Variants in CADM2 observed in about 807,000 individuals in gnomAD.
CADM2 encodes immunoglobulin superfamily member 4D.
In CADM2, 12 loss-of-function variants were observed where a neutral mutation model predicts 49.8. That is an observed-to-expected ratio of 0.24 (90% CI 0.15 to 0.39). The LOEUF (loss-of-function observed/expected upper bound fraction) is 0.39. CADM2 is among the 10% of genes least tolerant of loss of function. The probability of loss-of-function intolerance (pLI) is 1.00; values close to 1 mark genes in which losing one functional copy is unlikely to be tolerated. For synonymous variants in CADM2, 214 were observed against 175.4 expected (o/e 1.22, Z -1.74); for missense variants, 378 against 492.3 (o/e 0.77, Z 2.20).
chr3:85,859,554 T>A (rs2075446074), intron 3 of CADM2, among the ~76,000 whole-genome samples: 1 of 152,262 alleles, frequency 6.6e-6, no homozygotes, highest in Admixed American at 6.5e-5. Context: ...TTCTAAGTGA[T>A]GTAATCATTT....
At chr3:85,920,174 C>T (rs187208741) in intron 6 of CADM2, among the ~76,000 whole-genome samples, 170 of 151,850 alleles carry the variant, frequency 1.1e-3, no homozygotes, top group African/African-American at 3.9e-3. Context: ...GATAGGAAGA[C>T]GAATATTCCA....
intron 1 of CADM2, among the ~76,000 whole-genome samples, chr3:85,602,165 C>T (rs974193579): frequency 1.9e-4 from 29 of 151,760 alleles, no homozygotes; most frequent in Admixed American, 1.7e-3. Context: ...TAAGAGTGTA[C>T]GGTTGAAGCT....
chr3:85,130,218 G>A (rs2039178572), intron 1 of CADM2, among the ~76,000 whole-genome samples: 1 of 152,150 alleles, frequency 6.6e-6, no homozygotes, highest in Admixed American at 6.6e-5. Flanking sequence ...GTTCAGCATA[G>A]TTTGTTGAAT....
intron 8 of CADM2, among the ~76,000 whole-genome samples, chr3:86,016,284 C>T (rs1014945424): frequency 2.0e-5 from 3 of 152,036 alleles, no homozygotes; most frequent in African/African-American, 7.2e-5. Context: ...ATGCAAACAT[C>T]TACCTATATC....
At chr3:85,995,014 T>TTAAAAAA (rs1464055979) in intron 8 of CADM2, among the ~76,000 whole-genome samples, 1 of 83,004 alleles carries the variant, frequency 1.2e-5, no homozygotes, top group Non-Finnish European at 2.2e-5. Flanking sequence ...TTCGATTTGT[T>TTAAAAAA]AAAAAAAAAA....
In CADM2 at chr3:85,183,447, C is replaced by T. The variant is rs145612044; in HGVS notation, c.61+223779C>T. Reference sequence around the variant, plus strand: ...AAGGAATTCACAAAGAAAAAAAACACGCAATATGTTCCATTTCAATGTATT... The same window carrying T: ...AAGGAATTCACAAAGAAAAAAAACATGCAATATGTTCCATTTCAATGTATT... On this transcript the variant is annotated intron_variant, in intron 1 of 9. Coordinates refer to ENST00000383699, the MANE Select transcript of CADM2 (RefSeq NM_001167675.2). 2.0e-3 allele frequency among the ~76,000 whole-genome samples: 311 copies of T among 152,046 alleles called. 1 individual carries two copies. The highest frequency in any genetic ancestry group is 7.0e-3 in the African/African-American group (291 of 41,504).
At position 85,176,021 on chromosome 3, in the gene CADM2, C is replaced by T. The variant is rs376044627; in HGVS notation, c.61+216353C>T. Among the ~76,000 whole-genome samples the T allele has an allele frequency of 2.5e-4, 37 of 149,064 alleles. No homozygotes were observed. The East Asian group carries it at 4.6e-3, about 18-fold the overall frequency. On this transcript the variant is annotated intron_variant, in intron 1 of 9. Coordinates refer to ENST00000383699, the MANE Select transcript of CADM2 (RefSeq NM_001167675.2). ...TCGGCTCACTGCAAGCTCCGCCTCC[C>T]GGGTTCACGCCATTCTCCTGCCTCA...
Position 85,992,692 on chromosome 3 carries a change from CTTAAT to C in CADM2, c.970+31050_970+31054del, listed in dbSNP as rs1259872778. 2.6e-5 allele frequency: 4 copies of C among 152,160 alleles called. No individual in the cohort carries two copies. The East Asian group carries it at 7.7e-4, about 29-fold the overall frequency. The allele number at this position is 152,160 out of a possible 1,614,324, so 9.4% of individuals were successfully genotyped here. A position where few individuals can be genotyped will look rare whatever the true frequency, so the allele number is the denominator to read the frequency against. ...ATGTCCATAAAAACAATGTACGTAC[CTTAAT>C]TTAAAGTTGTTTTATTACTAAAAAA... On this transcript the variant is annotated intron_variant, in intron 8 of 9. Transcript: ENST00000383699.
At chr3:85,205,791 G>A (rs2041617369) in intron 1 of CADM2, among the ~76,000 whole-genome samples, 1 of 151,978 alleles carries the variant, frequency 6.6e-6, no homozygotes, top group East Asian at 1.9e-4. Flanking sequence ...ATTTAATTTG[G>A]AGGTCAAATT....
At chr3:85,149,897 A>G (rs898948835) in intron 1 of CADM2, among the ~76,000 whole-genome samples, 10 of 152,198 alleles carry the variant, frequency 6.6e-5, no homozygotes, top group East Asian at 1.9e-4. Flanking sequence ...TAGAATCACA[A>G]TTCTCTCAAA....
intron 8 of CADM2, among the ~76,000 whole-genome samples, chr3:85,974,709 T>G (rs1726560216): frequency 6.6e-6 from 1 of 151,690 alleles, no homozygotes; most frequent in African/African-American, 2.4e-5. Context: ...GTACTCAGAT[T>G]ATTTACATTG....
intron 1 of CADM2, among the ~76,000 whole-genome samples, chr3:84,968,125 A>G (rs1041334907): frequency 6.6e-6 from 1 of 151,916 alleles, no homozygotes; most frequent in Non-Finnish European, 1.5e-5. Flanking sequence ...TGTGTAAATC[A>G]TCTATTCAAG....
chr3:85,706,297 T>C (rs2066949350), intron 1 of CADM2, among the ~76,000 whole-genome samples: 1 of 152,228 alleles, frequency 6.6e-6, no homozygotes, highest in African/African-American at 2.4e-5. Flanking sequence ...CCTCTCTTTA[T>C]TTCTATCCAA....
Position 85,103,330 on chromosome 3 carries a change from A to C in CADM2, c.61+143662A>C, listed in dbSNP as rs1575869466. On this transcript the variant is annotated intron_variant, in intron 1 of 9. Transcript: ENST00000383699. The stretch of plus-strand genomic sequence containing the variant: ...ACGTATAAATAAAAAAATTTAGTGT[A>C]ACCATAAATAAAGTTTTATTTATCC... Among the ~76,000 whole-genome samples, 4 of 152,266 alleles carry C rather than the reference A, an allele frequency of 2.6e-5. No individual in the cohort carries two copies. The South Asian group carries it at 8.3e-4, about 32-fold the overall frequency.
intron 1 of CADM2, among the ~76,000 whole-genome samples, chr3:85,430,846 A>C (rs1294451635): frequency 2.0e-5 from 3 of 152,166 alleles, no homozygotes; most frequent in Non-Finnish European, 4.4e-5. Flanking sequence ...GGGATCTTGA[A>C]GGTAAACAGT....
chr3:86,002,474 A>G (rs2108744227), intron 8 of CADM2, among the ~76,000 whole-genome samples: 1 of 152,222 alleles, frequency 6.6e-6, no homozygotes, highest in East Asian at 1.9e-4. Context: ...AGGGTGATAT[A>G]AAAGTCACCT....
chr3:85,558,035 T>A (rs1303110308), intron 1 of CADM2, among the ~76,000 whole-genome samples: 1 of 152,084 alleles, frequency 6.6e-6, no homozygotes, highest in African/African-American at 2.4e-5. Flanking sequence ...TTTTTACTTG[T>A]CTTCCTGTAA....
chr3:85,535,349 A>G (rs1306315105), intron 1 of CADM2, among the ~76,000 whole-genome samples: 2 of 152,130 alleles, frequency 1.3e-5, no homozygotes. Flanking sequence ...GAGGTTTGGA[A>G]CTCTCTGTTT....
At chr3:84,992,316 A>C (rs2032936379) in intron 1 of CADM2, among the ~76,000 whole-genome samples, 1 of 152,230 alleles carries the variant, frequency 6.6e-6, no homozygotes, top group South Asian at 2.1e-4. Context: ...TACATTAAAA[A>C]TAAAGCCTTT....
Sources: allele counts gnomAD v4.1 joint callset (sites outside exome capture counted in the v4.1 genomes callset), GRCh38; gene constraint gnomAD v4.1.1; transcripts MANE v1.5; gene names NCBI Gene and HGNC (gene_info 2026-07-23, HGNC 2026-07-21).